Variants in CCSER1 observed in about 807,000 individuals in gnomAD.
The protein encoded by CCSER1 is serine-rich coiled-coil domain-containing protein 1.
A neutral mutation model predicts 82.0 loss-of-function variants in CCSER1; 41 were observed. The observed-to-expected ratio is 0.50, with a 90% CI of 0.39 to 0.65. The LOEUF (loss-of-function observed/expected upper bound fraction) is 0.65. Ranked by LOEUF, CCSER1 falls within the 30% of genes least tolerant of loss-of-function variation. The pLI is 0.00. For synonymous variants in CCSER1, 414 were observed against 383.9 expected, an observed-to-expected ratio of 1.08 and a Z score of -0.92; for missense variants, 1,119 against 1,064.2, an observed-to-expected ratio of 1.05 and a Z score of -0.72.
At chr4:90,811,849 G>T (rs935539707) in intron 7 of CCSER1, among the ~76,000 whole-genome samples, 2 of 136,674 alleles carry the variant, frequency 1.5e-5, no homozygotes, top group Non-Finnish European at 1.6e-5. Context: ...GTTGTATCTT[G>T]TAGTTACTAG....
chr4:90,899,037 TG>T (rs1203321708), intron 8 of CCSER1, among the ~76,000 whole-genome samples: 4 of 152,226 alleles, frequency 2.6e-5, no homozygotes, highest in African/African-American at 9.6e-5. Context: ...TTTTGGGATG[TG>T]TAGTCATTTT....
chr4:90,327,186 T>G (rs2153492493), intron 3 of CCSER1, among the ~76,000 whole-genome samples: 1 of 152,298 alleles, frequency 6.6e-6, no homozygotes, highest in Non-Finnish European at 1.5e-5. Context: ...GCTGCTTAAC[T>G]CAGGCAGCAA....
chr4:91,605,260 A>G lies in CCSER1; in HGVS notation c.*6203A>G, dbSNP rs1273313765. The G allele has an allele frequency of 2.0e-5, 3 of 152,110 alleles. No homozygotes were observed. The highest frequency in any genetic ancestry group is 4.8e-5 in the African/African-American group (2 of 41,458). The allele number at this position is 152,110 out of a possible 1,614,324, so 9.4% of individuals were successfully genotyped here. ...AAGCATGGTGATTAGAAAAATATGC[A>G]TATTTCCTGCTCATAATAAATTTTA... On this transcript the variant is annotated 3_prime_UTR_variant, in exon 11 of 11. Coordinates refer to ENST00000509176, the MANE Select transcript of CCSER1 (RefSeq NM_001145065.2).
At chr4:91,134,198 G>C (rs1428076879) in intron 10 of CCSER1, among the ~76,000 whole-genome samples, 1 of 152,174 alleles carries the variant, frequency 6.6e-6, no homozygotes, top group Non-Finnish European at 1.5e-5. Context: ...TTAGAGACCA[G>C]CCTGGGTAGC....
chr4:91,495,262 G>A (rs1252546170), intron 10 of CCSER1, among the ~76,000 whole-genome samples: 1 of 151,368 alleles, frequency 6.6e-6, no homozygotes, highest in African/African-American at 2.4e-5. Context: ...CATATATAAT[G>A]CAAACTATAC....
intron 4 of CCSER1, among the ~76,000 whole-genome samples, chr4:90,447,667 T>C (rs1432588723): frequency 6.6e-6 from 1 of 152,206 alleles, no homozygotes; most frequent in Non-Finnish European, 1.5e-5. Context: ...TTATATTGTG[T>C]TGTGTGTAAT....
At chr4:90,434,946 C>T (rs1315675400) in intron 4 of CCSER1, among the ~76,000 whole-genome samples, 1 of 152,244 alleles carries the variant, frequency 6.6e-6, no homozygotes, top group South Asian at 2.1e-4. Flanking sequence ...TTGGTATTGG[C>T]CTCTGCGTGA....
chr4:91,193,709 T>C (rs186753105), intron 10 of CCSER1, among the ~76,000 whole-genome samples: 2 of 152,326 alleles, frequency 1.3e-5, no homozygotes, highest in East Asian at 3.9e-4. Context: ...TCTAAGTCCC[T>C]ATTTTAAACT....
chr4:91,296,487 TTTAA>T (rs1744193538), intron 10 of CCSER1, among the ~76,000 whole-genome samples: 3 of 107,098 alleles, frequency 2.8e-5, no homozygotes, highest in African/African-American at 1.5e-4. Context: ...ATATATATAT[TTTAA>T]TTAAATATAC....
intron 4 of CCSER1, among the ~76,000 whole-genome samples, chr4:90,416,394 G>T (rs558283711): frequency 1.3e-5 from 2 of 152,090 alleles, no homozygotes. Flanking sequence ...AAGAGAGCAG[G>T]CATTTTAAAG....
At chr4:91,065,738 C>T (rs1186243358) in intron 9 of CCSER1, among the ~76,000 whole-genome samples, 1 of 152,048 alleles carries the variant, frequency 6.6e-6, no homozygotes, top group Non-Finnish European at 1.5e-5. Flanking sequence ...AACTTTTCAA[C>T]TTCAGTGGAC....
At chr4:90,231,844 C>G (rs1030540761) in intron 1 of CCSER1, among the ~76,000 whole-genome samples, 4 of 150,154 alleles carry the variant, frequency 2.7e-5, no homozygotes, top group East Asian at 2.0e-4. Flanking sequence ...AAACAGAGAG[C>G]CAAATCATGA....
At chr4:91,328,849 G>A (rs1746749722) in intron 10 of CCSER1, among the ~76,000 whole-genome samples, 2 of 152,110 alleles carry the variant, frequency 1.3e-5, no homozygotes, top group African/African-American at 4.8e-5. Flanking sequence ...ACCACGTAGA[G>A]ATAGTTGAAT....
At chr4:91,065,271 G>C (rs1188372690) in intron 9 of CCSER1, among the ~76,000 whole-genome samples, 1 of 152,058 alleles carries the variant, frequency 6.6e-6, no homozygotes, top group African/African-American at 2.4e-5. Context: ...GTGGTACAGT[G>C]ATATTCTTGT....
chr4:91,003,785 T>G (rs1738258522), intron 9 of CCSER1, among the ~76,000 whole-genome samples: 2 of 152,124 alleles, frequency 1.3e-5, no homozygotes, highest in Non-Finnish European at 2.9e-5. Flanking sequence ...GACTGGAAAT[T>G]TCCTTCCTTC....
chr4:90,505,121 T>C (rs1007568777), intron 5 of CCSER1, among the ~76,000 whole-genome samples: 1 of 152,176 alleles, frequency 6.6e-6, no homozygotes, highest in African/African-American at 2.4e-5. Flanking sequence ...ACAAACACGA[T>C]AATGAAATAA....
At chr4:90,687,910 C>A (rs17017393) in intron 6 of CCSER1, among the ~76,000 whole-genome samples, 18 of 152,206 alleles carry the variant, frequency 1.2e-4, no homozygotes, top group African/African-American at 1.7e-4. Context: ...CGGATACCTG[C>A]GCGCTGACTC....
intron 3 of CCSER1, among the ~76,000 whole-genome samples, chr4:90,347,051 T>G (rs182434948): frequency 6.6e-6 from 1 of 152,252 alleles, no homozygotes; most frequent in East Asian, 1.9e-4. Flanking sequence ...GCTCTTTGTT[T>G]GAAGGTTAAA....
At chr4:90,311,567 T>C (rs1414045771) in intron 2 of CCSER1, among the ~76,000 whole-genome samples, 2 of 152,190 alleles carry the variant, frequency 1.3e-5, no homozygotes, top group East Asian at 1.9e-4. Flanking sequence ...TAAGTAAATG[T>C]ATTTTATCCA....
Sources: gnomAD v4.1 joint callset for allele counts (sites outside exome capture counted in the v4.1 genomes callset) on GRCh38, gnomAD v4.1.1 for gene constraint, MANE v1.5 for transcripts, NCBI Gene and HGNC (gene_info 2026-07-23, HGNC 2026-07-21) for gene names.